The following CCSER1 variants were observed in gnomAD, a reference collection of about 807,000 sequenced individuals.
CCSER1 encodes the protein serine-rich coiled-coil domain-containing protein 1.
Under a neutral mutation model 82.0 loss-of-function variants are expected in CCSER1, and 41 were observed. The ratio of observed to expected loss-of-function variants is 0.50; its 90% confidence interval spans 0.39 to 0.65. The LOEUF (loss-of-function observed/expected upper bound fraction) is 0.65, where lower values mean the gene tolerates loss of function less well. Ranked by LOEUF, CCSER1 falls within the 30% of genes least tolerant of loss-of-function variation. The pLI is 0.00. For missense variants in CCSER1, 1,119 were observed against 1,064.2 expected (o/e 1.05, Z -0.72); for synonymous variants, 414 against 383.9 (o/e 1.08, Z -0.92).
intron 5 of CCSER1, among the ~76,000 whole-genome samples, chr4:90,613,664 A>AAGAG (rs1485403895): frequency 6.6e-6 from 1 of 152,104 alleles, no homozygotes; most frequent in Admixed American, 6.5e-5. Flanking sequence ...GCCACAGGGG[A>AAGAG]AGAGAGCATG....
At position 90,751,925 on chromosome 4, in the gene CCSER1, A is replaced by G. The variant is rs1297880477; in HGVS notation, c.2010+27934A>G. 2.0e-5 allele frequency among the ~76,000 whole-genome samples: 3 copies of G among 152,182 alleles called. No individual in the cohort carries two copies. The East Asian group carries it at 5.8e-4, about 29-fold the overall frequency. On this transcript the variant is annotated intron_variant, in intron 7 of 10. Transcript: ENST00000509176. ...AGTTATAAGTCTATTAAAATTTCTA[A>G]TATATTTAGGTATAATTTTAGAATG...
intron 1 of CCSER1, among the ~76,000 whole-genome samples, chr4:90,133,887 T>C (rs1452968379): frequency 6.6e-6 from 1 of 152,222 alleles, no homozygotes; most frequent in Non-Finnish European, 1.5e-5. Context: ...AAAGAATATA[T>C]GAATAAATAA....
intron 4 of CCSER1, among the ~76,000 whole-genome samples, chr4:90,418,310 A>G (rs1301270247): frequency 1.3e-5 from 2 of 152,104 alleles, no homozygotes; most frequent in Non-Finnish European, 1.5e-5. Flanking sequence ...GCCAATCAGC[A>G]TCTGATTCTG....
At position 91,420,612 on chromosome 4, in the gene CCSER1, C is replaced by T. The variant is rs575931067; in HGVS notation, c.2218-177960C>T. 6.6e-5 allele frequency among the ~76,000 whole-genome samples: 10 copies of T among 152,180 alleles called. No homozygotes were observed. The South Asian group carries it at 1.7e-3, about 25-fold the overall frequency. On this transcript the variant is annotated intron_variant, in intron 10 of 10. Transcript: ENST00000509176. Reference sequence around the variant, plus strand: ...TTGGTAGAAATGTAAGTTTGTAGAGCCCTGTGGAAAACAATGCAGTTTCTT... The same window carrying T: ...TTGGTAGAAATGTAAGTTTGTAGAGTCCTGTGGAAAACAATGCAGTTTCTT...
At chr4:90,224,852 T>C (rs1742838205) in intron 1 of CCSER1, among the ~76,000 whole-genome samples, 1 of 152,170 alleles carries the variant, frequency 6.6e-6, no homozygotes, top group African/African-American at 2.4e-5. Context: ...CTTATTAGTA[T>C]ATTTCTTAAT....
intron 10 of CCSER1, among the ~76,000 whole-genome samples, chr4:91,125,890 C>T (rs542284281): frequency 6.6e-6 from 1 of 151,542 alleles, no homozygotes; most frequent in Non-Finnish European, 1.5e-5. Flanking sequence ...TAAATCACTA[C>T]AGGCCTAGTG....
chr4:90,418,308 G>T (rs1404205032), intron 4 of CCSER1, among the ~76,000 whole-genome samples: 1 of 152,004 alleles, frequency 6.6e-6, no homozygotes, highest in Admixed American at 6.6e-5. Context: ...AGGCCAATCA[G>T]CATCTGATTC....
At chr4:90,294,773 G>A (rs779214245) in intron 1 of CCSER1, among the ~76,000 whole-genome samples, 2 of 151,742 alleles carry the variant, frequency 1.3e-5, no homozygotes, top group African/African-American at 2.4e-5. Flanking sequence ...CCATGTCCCC[G>A]TTGACGACAA....
chr4:91,262,305 T>C (rs1741252219), intron 10 of CCSER1, among the ~76,000 whole-genome samples: 1 of 152,094 alleles, frequency 6.6e-6, no homozygotes. Flanking sequence ...TAGGACAAAA[T>C]AGACTCTCAA....
chr4:90,246,032 A>G (rs1340256584), intron 1 of CCSER1, among the ~76,000 whole-genome samples: 1 of 152,182 alleles, frequency 6.6e-6, no homozygotes, highest in African/African-American at 2.4e-5. Context: ...CATAGGAGGG[A>G]GAATTATTAT....
At chr4:91,170,469 G>A (rs1732636416) in intron 10 of CCSER1, among the ~76,000 whole-genome samples, 1 of 152,090 alleles carries the variant, frequency 6.6e-6, no homozygotes, top group African/African-American at 2.4e-5. Context: ...TTACTAAAAT[G>A]AGAAACATCA....
chr4:91,460,205 G>A (rs923314644), intron 10 of CCSER1, among the ~76,000 whole-genome samples: 1 of 152,096 alleles, frequency 6.6e-6, no homozygotes, highest in Non-Finnish European at 1.5e-5. Context: ...AATAAACAAA[G>A]CTGTTTATTT....
At chr4:91,081,135 T>A (rs1348240133) in intron 9 of CCSER1, among the ~76,000 whole-genome samples, 1 of 152,174 alleles carries the variant, frequency 6.6e-6, no homozygotes, top group Non-Finnish European at 1.5e-5. Flanking sequence ...ATATCCCTCA[T>A]GAACATCGAT....
intron 10 of CCSER1, among the ~76,000 whole-genome samples, chr4:91,299,285 T>A (rs1307741288): frequency 6.6e-6 from 1 of 152,010 alleles, no homozygotes; most frequent in Non-Finnish European, 1.5e-5. Context: ...GTACAAATGG[T>A]ATATCTGTGG....
At chr4:90,665,288 A>T (rs527297403) in intron 6 of CCSER1, among the ~76,000 whole-genome samples, 2 of 152,010 alleles carry the variant, frequency 1.3e-5, no homozygotes, top group Admixed American at 1.3e-4. Flanking sequence ...CGAGGTAGGG[A>T]GAGGTTCTAA....
chr4:91,413,861 T>C (rs1472506805), intron 10 of CCSER1, among the ~76,000 whole-genome samples: 1 of 151,908 alleles, frequency 6.6e-6, no homozygotes, highest in Non-Finnish European at 1.5e-5. Context: ...GCAAAAACCT[T>C]ACAAGCCAGG....
intron 10 of CCSER1, among the ~76,000 whole-genome samples, chr4:91,256,722 A>G (rs1459748555): frequency 6.6e-6 from 1 of 152,236 alleles, no homozygotes; most frequent in African/African-American, 2.4e-5. Context: ...GGTGGCACAA[A>G]AAAAGCCACA....
At chr4:91,179,622 G>A (rs1348995723) in intron 10 of CCSER1, among the ~76,000 whole-genome samples, 1 of 152,178 alleles carries the variant, frequency 6.6e-6, no homozygotes, top group Non-Finnish European at 1.5e-5. Flanking sequence ...CATGCATCAG[G>A]TAATTCTCAT....
intron 10 of CCSER1, among the ~76,000 whole-genome samples, chr4:91,594,418 T>C (rs1336166203): frequency 6.8e-6 from 1 of 147,644 alleles, no homozygotes; most frequent in African/African-American, 2.5e-5. Context: ...TACACATATA[T>C]ATACATATAT....
Sources: gnomAD v4.1 joint callset for allele counts (sites outside exome capture counted in the v4.1 genomes callset) on GRCh38, gnomAD v4.1.1 for gene constraint, MANE v1.5 for transcripts, NCBI Gene and HGNC (gene_info 2026-07-23, HGNC 2026-07-21) for gene names.